NMT2: variants seen among roughly 807,000 people sequenced by gnomAD.
NMT2 encodes the protein glycylpeptide N-tetradecanoyltransferase 2.
Under a neutral mutation model 65.4 loss-of-function variants are expected in NMT2, and 35 were observed. The observed-to-expected ratio is 0.54, with a 90% CI of 0.41 to 0.71. The LOEUF (loss-of-function observed/expected upper bound fraction) is 0.71. Ranked by LOEUF, NMT2 falls within the 30% of genes least tolerant of loss-of-function variation. The pLI, the probability that NMT2 is intolerant of heterozygous loss-of-function variation, is 0.00. For synonymous variants in NMT2, 226 were observed against 231.8 expected, an observed-to-expected ratio of 0.98 and a Z score of 0.23; for missense variants, 489 against 611.3, an observed-to-expected ratio of 0.80 and a Z score of 2.11.
rs1425001656 is a variant in NMT2 at position 15,135,270 on chromosome 10, T to G, written c.391+4A>C. On this transcript the variant is annotated splice_donor_region_variant and intron_variant, in intron 3 of 11. Coordinates refer to ENST00000378165, the MANE Select transcript of NMT2 (RefSeq NM_004808.3). ...GAAAAAAAGAGAAAAGCAGAAAAACTTACCTAGTTTTGGTACCGGTTGTGT... is the reference window on the plus strand; with the variant it reads ...GAAAAAAAGAGAAAAGCAGAAAAACGTACCTAGTTTTGGTACCGGTTGTGT... 2 of 1,613,792 alleles carry G rather than the reference T, an allele frequency of 1.2e-6. No individual in the cohort carries two copies. Among genetic ancestry groups the G allele is most frequent in the Non-Finnish European group, 1.7e-6 (2 of 1,179,960 alleles).
intron 11 of NMT2, 110 bp downstream of exon 11, chr10:15,109,592 A>G: frequency 1.2e-6 from 1 of 862,422 alleles, no homozygotes; most frequent in Non-Finnish European, 1.6e-6. Context: ...TAAATAAATA[A>G]ATAAAATGAA....
intron 1 of NMT2, among the ~76,000 whole-genome samples, chr10:15,164,052 C>T (rs903810028): frequency 1.5e-4 from 23 of 151,928 alleles, no homozygotes; most frequent in South Asian, 6.2e-4. Context: ...TGGTGGCGGG[C>T]GCCTACTGTA....
intron 9 of NMT2, among the ~76,000 whole-genome samples, chr10:15,116,069 A>G (rs7918717): frequency 0.33 from 50,246 of 152,066 alleles, 12,036 homozygotes; most frequent in African/African-American, 0.69. Context: ...GAATAACTCA[A>G]TTAATCAACA....
rs940222170 is a variant in NMT2 at position 15,107,992 on chromosome 10, A to C, written c.*1203T>G. On this transcript the variant is annotated 3_prime_UTR_variant, in exon 12 of 12. Transcript: ENST00000378165. Reference sequence around the variant, plus strand: ...CATGATAAAATCAGCATAGAGGAGTATGTGCAATTTTGCATAAGTAATAAA... The same window carrying C: ...CATGATAAAATCAGCATAGAGGAGTCTGTGCAATTTTGCATAAGTAATAAA... The C allele has an allele frequency of 1.0e-5, 10 of 985,650 alleles. No homozygotes were observed. In the African/African-American group the frequency reaches 1.7e-4, roughly 17 times the overall value. 61.1% of individuals were successfully genotyped at this position (985,650 alleles called of 1,614,324 possible). A position where few individuals can be genotyped will look rare whatever the true frequency, so the allele number is the denominator to read the frequency against.
At chr10:15,145,463 T>A (rs1846930100) in intron 1 of NMT2, among the ~76,000 whole-genome samples, 1 of 152,196 alleles carries the variant, frequency 6.6e-6, no homozygotes, top group Non-Finnish European at 1.5e-5. Flanking sequence ...CACTGCAACC[T>A]CTGCCTCCTG....
Position 15,168,659 on chromosome 10 carries a change from C to G in NMT2, c.-47G>C, listed in dbSNP as rs748145371. The G allele has an allele frequency of 6.9e-7, 1 of 1,455,826 alleles. No individual in the cohort carries two copies. The highest frequency in any genetic ancestry group is 2.6e-5 in the East Asian group (1 of 38,310). The allele number at this position is 1,455,826 out of a possible 1,614,324, so 90.2% of individuals were successfully genotyped here. A position where few individuals can be genotyped will look rare whatever the true frequency, so the allele number is the denominator to read the frequency against. Reference sequence around the variant, plus strand: ...GGCGGTGCTCGGGGCCGGGCCGGAGCGGCCGCAGCTCCCTCTAGTGCCTCC... The same window carrying G: ...GGCGGTGCTCGGGGCCGGGCCGGAGGGGCCGCAGCTCCCTCTAGTGCCTCC... On this transcript the variant is annotated 5_prime_UTR_variant, in exon 1 of 12. Coordinates refer to ENST00000378165, the MANE Select transcript of NMT2 (RefSeq NM_004808.3).
chr10:15,168,298 A>G, intron 1 of NMT2: 1 of 117,738 alleles, frequency 8.5e-6, no homozygotes, highest in Non-Finnish European at 1.6e-5. Flanking sequence ...CTCCCCGCCC[A>G]CCCCGGGCCT....
At chr10:15,151,059 C>CTTTTT (rs200879621) in intron 1 of NMT2, among the ~76,000 whole-genome samples, 11 of 139,890 alleles carry the variant, frequency 7.9e-5, no homozygotes, top group African/African-American at 1.9e-4. Context: ...TAGCTTCCTC[C>CTTTTT]TTTTTTTTTT....
chr10:15,127,037 C>A (rs560833008), intron 8 of NMT2, among the ~76,000 whole-genome samples: 2 of 151,592 alleles, frequency 1.3e-5, no homozygotes, highest in Admixed American at 6.6e-5. Flanking sequence ...TCAAGACCAG[C>A]CTGGCCAACA....
chr10:15,168,300 C>A (rs922567806), intron 1 of NMT2: 2 of 450,380 alleles, frequency 4.4e-6, no homozygotes, highest in Non-Finnish European at 7.9e-6. Context: ...CCCCGCCCAC[C>A]CCGGGCCTCG....
intron 2 of NMT2, among the ~76,000 whole-genome samples, chr10:15,139,250 C>CCCTA (rs1846634509): frequency 6.8e-6 from 1 of 146,780 alleles, no homozygotes. Flanking sequence ...ATAAACTCCC[C>CCCTA]TCTATCTATC....
chr10:15,115,961 A>G (rs1057341806), intron 9 of NMT2, among the ~76,000 whole-genome samples: 1 of 152,216 alleles, frequency 6.6e-6, no homozygotes, highest in Non-Finnish European at 1.5e-5. Context: ...TTGGAAGGAG[A>G]AATAGACAAA....
intron 1 of NMT2, among the ~76,000 whole-genome samples, chr10:15,155,840 G>A (rs1379458202): frequency 6.6e-6 from 1 of 151,912 alleles, no homozygotes; most frequent in African/African-American, 2.4e-5. Flanking sequence ...GTAAAGTAAG[G>A]GTCACTTGAC....
intron 1 of NMT2, among the ~76,000 whole-genome samples, chr10:15,161,683 C>A (rs557632842): frequency 6.6e-6 from 1 of 151,866 alleles, no homozygotes; most frequent in Admixed American, 6.6e-5. Flanking sequence ...TTATAAAGAA[C>A]GATGGAAACC....
At chr10:15,153,782 TG>T (rs1311687985) in intron 1 of NMT2, among the ~76,000 whole-genome samples, 3 of 152,074 alleles carry the variant, frequency 2.0e-5, no homozygotes, top group Non-Finnish European at 2.9e-5. Context: ...CCTGAGTAGC[TG>T]GGACTACAGG....
intron 2 of NMT2, among the ~76,000 whole-genome samples, chr10:15,135,725 C>T (rs916156575): frequency 3.9e-5 from 6 of 152,080 alleles, no homozygotes; most frequent in South Asian, 2.1e-4. Context: ...CTGGGGGAGA[C>T]GTGCAGTGCA....
intron 1 of NMT2, among the ~76,000 whole-genome samples, chr10:15,161,081 C>CAAAAAAAAAAAAAAAAAAAAAAAAAAAA (rs750859200): frequency 5.2e-5 from 1 of 19,282 alleles, no homozygotes; most frequent in Non-Finnish European, 9.0e-5. Context: ...CCTCAAAAAT[C>CAAAAAAAAAAAAAAAAAAAAAAAAAAAA]AAAAAAAAAA....
intron 9 of NMT2, among the ~76,000 whole-genome samples, chr10:15,118,586 G>A (rs1434265934): frequency 1.4e-5 from 2 of 144,916 alleles, no homozygotes; most frequent in African/African-American, 2.6e-5. Context: ...AGACAACTAC[G>A]GTCAAAAAAA....
intron 9 of NMT2, among the ~76,000 whole-genome samples, chr10:15,113,205 T>C (rs1589290816): frequency 6.6e-6 from 1 of 151,980 alleles, no homozygotes. Context: ...AAGCAGAATG[T>C]CATGCCTGTA....
Sources: allele counts gnomAD v4.1 joint callset (sites outside exome capture counted in the v4.1 genomes callset), GRCh38; gene constraint gnomAD v4.1.1; transcripts MANE v1.5; gene names NCBI Gene and HGNC (gene_info 2026-07-23, HGNC 2026-07-21).